GYS2: variants seen among roughly 807,000 people sequenced by gnomAD.
GYS2 encodes glycogen [starch] synthase, liver.
In GYS2, 80 loss-of-function variants were observed where a neutral mutation model predicts 85.6. The observed-to-expected ratio is 0.93, with a 90% CI of 0.78 to 1.13. The LOEUF is 1.13. GYS2 is among the 50% of genes most tolerant of loss of function. The pLI is 0.00. For synonymous variants in GYS2, 328 were observed against 300.7 expected (o/e 1.09, Z -0.94); for missense variants, 881 against 854.9 (o/e 1.03, Z -0.38).
At chr12:21,584,024 C>A (rs748390136) in intron 1 of GYS2, among the ~76,000 whole-genome samples, 7 of 152,310 alleles carry the variant, frequency 4.6e-5, no homozygotes, top group African/African-American at 1.7e-4. Flanking sequence ...AGACTAGGTC[C>A]TGGTTCACAG....
intron 13 of GYS2, among the ~76,000 whole-genome samples, chr12:21,542,156 T>C (rs1943984587): frequency 6.6e-6 from 1 of 152,094 alleles, no homozygotes; most frequent in South Asian, 2.1e-4. Flanking sequence ...CAAGTGATTA[T>C]AGTGCCTCAG....
chr12:21,551,787 A>G (rs575401550), intron 11 of GYS2, among the ~76,000 whole-genome samples: 2 of 152,344 alleles, frequency 1.3e-5, no homozygotes, highest in East Asian at 3.9e-4. Flanking sequence ...AAAAAAGACA[A>G]AAGACACAGA....
Position 21,559,651 on chromosome 12 carries a change from C to T in GYS2, c.1229G>A (p.Arg410Lys). 1.3e-6 allele frequency: 2 copies of T among 1,524,118 alleles called. No homozygotes were observed. Among genetic ancestry groups the T allele is most frequent in the Non-Finnish European group, 1.8e-6 (2 of 1,097,792 alleles). 94.4% of individuals were successfully genotyped at this position (1,524,118 alleles called of 1,614,324 possible). ...FGKKLYDALL[R>K]GEIPDLNDIL... is the part of the protein sequence containing the mutation. Reference sequence around the variant, plus strand: ...AGTAGAAAGCATTTCAAGCACCTACCTTAATAATGCATCATAGAGTTTTTT... The same window carrying T: ...AGTAGAAAGCATTTCAAGCACCTACTTTAATAATGCATCATAGAGTTTTTT... Residue 410 changes from arginine (R) to lysine (K), a missense_variant and splice_region_variant, in exon 9 of 16, where the codon AGA (arginine) becomes AAA (lysine). Arg to Lys is a conservative substitution (Grantham distance 26). Coordinates refer to ENST00000261195, the MANE Select transcript of GYS2 (RefSeq NM_021957.4).
chr12:21,569,706 G>A (rs906703222), intron 4 of GYS2, among the ~76,000 whole-genome samples: 2 of 152,154 alleles, frequency 1.3e-5, no homozygotes, highest in African/African-American at 4.8e-5. Context: ...TATGAAACTA[G>A]CAGTGTCTAA....
rs931966454 is a variant in GYS2, at chr12:21,555,708, A to T, written c.1422+2492T>A. On this transcript the variant is annotated intron_variant, in intron 11 of 15. Coordinates refer to ENST00000261195, the MANE Select transcript of GYS2 (RefSeq NM_021957.4). ...TATCCTTTCCTAATTCCTGTTTTACATTCCTTCCCTGTTTATATAAATCCC... is the reference window on the plus strand; with the variant it reads ...TATCCTTTCCTAATTCCTGTTTTACTTTCCTTCCCTGTTTATATAAATCCC... 5.3e-5 allele frequency among the ~76,000 whole-genome samples: 8 copies of T among 151,990 alleles called. No homozygotes were observed. The South Asian group carries it at 1.0e-3, about 20-fold the overall frequency.
At chr12:21,561,653 TTAA>T (rs1160204354) in intron 7 of GYS2, among the ~76,000 whole-genome samples, 14 of 152,316 alleles carry the variant, frequency 9.2e-5, no homozygotes, top group African/African-American at 3.1e-4. Flanking sequence ...AATGCATTTA[TTAA>T]TAATGTCCCT....
chr12:21,600,814 T>A (rs941014136), intron 1 of GYS2, among the ~76,000 whole-genome samples: 4 of 152,184 alleles, frequency 2.6e-5, no homozygotes, highest in Admixed American at 2.6e-4. Context: ...GGACTCATTA[T>A]TATAATTTCT....
intron 1 of GYS2, among the ~76,000 whole-genome samples, chr12:21,584,936 C>T (rs895748533): frequency 1.3e-5 from 2 of 152,202 alleles, no homozygotes; most frequent in African/African-American, 4.8e-5. Flanking sequence ...TGATCCCTAT[C>T]ATCCTGAAGC....
rs140646346 is a variant in GYS2 at position 21,539,259 on chromosome 12, G to A, written c.1889C>T (p.Thr630Met). 446 of 1,518,706 alleles carry A rather than the reference G, an allele frequency of 2.9e-4. 4 individuals are homozygous for A. In the South Asian group the frequency reaches 4.4e-3, roughly 15 times the overall value. 94.1% of individuals were successfully genotyped at this position (1,518,706 alleles called of 1,614,324 possible). Residue 630 changes from threonine (T) to methionine (M), a missense_variant and splice_region_variant, in exon 15 of 16, where the codon ACG becomes ATG. Coordinates refer to ENST00000261195, the MANE Select transcript of GYS2 (RefSeq NM_021957.4). ...KFHVELTSPPTTEGFKYPRPS... is the reference protein window; with the variant it reads ...KFHVELTSPPMTEGFKYPRPS... ...AAAAAAAATACATTGAATATTTACC[G>A]TTGGTGGTGATGTTAGTTCCACATG...
intron 1 of GYS2, among the ~76,000 whole-genome samples, chr12:21,595,030 A>C (rs1944679671): frequency 6.6e-6 from 1 of 152,200 alleles, no homozygotes; most frequent in African/African-American, 2.4e-5. Flanking sequence ...TGCTGAAAAA[A>C]TTGGATATCC....
intron 1 of GYS2, among the ~76,000 whole-genome samples, chr12:21,587,188 G>T (rs1319161219): frequency 6.6e-6 from 1 of 152,270 alleles, no homozygotes; most frequent in East Asian, 1.9e-4. Flanking sequence ...ACTAGAGAAA[G>T]GTGGGAGGAT....
At chr12:21,582,594 G>GATAGATATAGATATAGATATAGAT (rs71053324) in intron 1 of GYS2, among the ~76,000 whole-genome samples, 2 of 148,816 alleles carry the variant, frequency 1.3e-5, no homozygotes, top group African/African-American at 5.0e-5. Flanking sequence ...TAGATATAGA[G>GATAGATATAGATATAGATATAGAT]ATAGATATAG....
Position 21,559,843 on chromosome 12 carries a change from G to A in GYS2, c.1170-133C>T, listed in dbSNP as rs1944230567. On this transcript the variant is annotated intron_variant, in intron 8 of 15. Coordinates refer to ENST00000261195, the MANE Select transcript of GYS2 (RefSeq NM_021957.4). ...TGAAATTACAGGTATCTTTTTTATA[G>A]TCTCTTCTATTATTTTACTACTTGC... 3 of 690,494 alleles carry A rather than the reference G, an allele frequency of 4.3e-6. No individual in the cohort carries two copies. In the South Asian group the frequency reaches 5.4e-5, roughly 12 times the overall value. 42.8% of individuals were successfully genotyped at this position (690,494 alleles called of 1,614,324 possible).
rs894683638 is a variant in GYS2, at chr12:21,536,623, A to T, written c.*331T>A. 3 of 349,678 alleles carry T rather than the reference A, an allele frequency of 8.6e-6. No homozygotes were observed. Among genetic ancestry groups the T allele is most frequent in the Non-Finnish European group, 1.6e-5 (3 of 185,730 alleles). 21.7% of individuals were successfully genotyped at this position (349,678 alleles called of 1,614,324 possible). On this transcript the variant is annotated 3_prime_UTR_variant, in exon 16 of 16. Coordinates refer to ENST00000261195, the MANE Select transcript of GYS2 (RefSeq NM_021957.4). ...AAGCTGCATAAATAGTAAGCAAAGG[A>T]TTATGATGATCATTTAAAAATAAAC...
At chr12:21,599,362 A>T (rs1591814540) in intron 1 of GYS2, among the ~76,000 whole-genome samples, 1 of 152,156 alleles carries the variant, frequency 6.6e-6, no homozygotes, top group Admixed American at 6.6e-5. Flanking sequence ...GACAAAGGTC[A>T]GCAAATATTT....
chr12:21,596,425 G>A (rs1028204348), intron 1 of GYS2, among the ~76,000 whole-genome samples: 1 of 151,726 alleles, frequency 6.6e-6, no homozygotes, highest in Non-Finnish European at 1.5e-5. Flanking sequence ...TCCATGCCAG[G>A]GATGCAGGGT....
rs1057523815 is a variant in GYS2 at position 21,558,263 on chromosome 12, G to A, written c.1359C>T (p.Thr453=). The A allele has an allele frequency of 3.1e-6, 5 of 1,613,906 alleles. No homozygotes were observed. The Admixed American group carries it at 6.7e-5, about 22-fold the overall frequency. ...VTTHNMIDDS[T]DPILSTIRRI... is the part of the protein sequence containing the mutation. ...GTCTAATGGTGCTGAGGATGGGGTCGGTGGAGTCATCAATCATGTTGTGCG... is the reference window on the plus strand; with the variant it reads ...GTCTAATGGTGCTGAGGATGGGGTCAGTGGAGTCATCAATCATGTTGTGCG... The change falls in exon 11 of 16, where the codon ACC becomes ACT. Residue 453 remains threonine, a synonymous_variant. Transcript: ENST00000261195.
At position 21,604,543 on chromosome 12, in the gene GYS2, T is replaced by C. The variant is rs376935348; in HGVS notation, c.50A>G (p.Gln17Arg). The C allele has an allele frequency of 7.6e-5, 122 of 1,612,242 alleles. No homozygotes were observed. The highest frequency in any genetic ancestry group is 9.8e-5 in the Non-Finnish European group (116 of 1,178,612). The part of the protein sequence containing the change: ...LSVTSLGGLP[Q>R]WEVEELPVEE... ...CACAGGAAGTTCTTCGACTTCCCAC[T>C]GGGGAAGCCCACCCAGGGATGTTAC... Residue 17 changes from glutamine (Q) to arginine (R), a missense_variant, in exon 1 of 16, where the codon CAG becomes CGG. Coordinates refer to ENST00000261195, the MANE Select transcript of GYS2 (RefSeq NM_021957.4).
At chr12:21,596,287 A>G (rs1403944857) in intron 1 of GYS2, among the ~76,000 whole-genome samples, 2 of 152,066 alleles carry the variant, frequency 1.3e-5, no homozygotes, top group African/African-American at 4.8e-5. Context: ...CCAGGGAAGG[A>G]CATAACCAAA....
Sources: allele counts gnomAD v4.1 joint callset (sites outside exome capture counted in the v4.1 genomes callset), GRCh38; gene constraint gnomAD v4.1.1; transcripts MANE v1.5; gene names NCBI Gene and HGNC (gene_info 2026-07-23, HGNC 2026-07-21).